The following DTX1 variants were observed in gnomAD, a reference collection of about 807,000 sequenced individuals.
DTX1 encodes deltex E3 ubiquitin ligase 1.
A neutral mutation model predicts 57.8 loss-of-function variants in DTX1; 26 were observed. The ratio of observed to expected loss-of-function variants is 0.45; its 90% CI spans 0.33 to 0.62. The LOEUF (loss-of-function observed/expected upper bound fraction) is 0.62. DTX1 is among the 20% of genes least tolerant of loss of function. DTX1 has a pLI of 0.02. For missense variants in DTX1, 704 were observed against 895.3 expected, an observed-to-expected ratio of 0.79 and a Z score of 2.73; for synonymous variants, 398 against 394.1, an observed-to-expected ratio of 1.01 and a Z score of -0.12.
intron 3 of DTX1, among the ~76,000 whole-genome samples, chr12:113,092,404 C>T (rs913032371): frequency 2.3e-4 from 35 of 151,702 alleles, no homozygotes; most frequent in African/African-American, 7.8e-4. Context: ...TGCTGTGTGT[C>T]GCCCAGCTCA....
rs979063266 is a variant in DTX1, at chr12:113,058,314, C to T, written c.122C>T (p.Thr41Met). The change falls in exon 2 of 10, where the codon ACG becomes ATG. Residue 41 changes from threonine to methionine, a missense_variant. Thr to Met is a moderately conservative substitution (Grantham distance 81, BLOSUM62 -1). Transcript: ENST00000548759. The stretch of plus-strand genomic sequence containing the variant: ...GAGCACAGCCGCTGGCGGCCCTACA[C>T]GGCCACCGTGTGCCACCACATTGAG... ...LNEHSRWRPYTATVCHHIENV... is the reference protein window; with the variant it reads ...LNEHSRWRPYMATVCHHIENV... 2 of 1,613,516 alleles carry T rather than the reference C, an allele frequency of 1.2e-6. No individual in the cohort carries two copies. The highest frequency in any genetic ancestry group is 1.7e-6 in the Non-Finnish European group (2 of 1,180,036).
intron 3 of DTX1, among the ~76,000 whole-genome samples, chr12:113,084,135 T>G (rs1592851234): frequency 6.6e-6 from 1 of 151,924 alleles, no homozygotes; most frequent in East Asian, 1.9e-4. Context: ...CTGGCCAGGG[T>G]TTTTTCCACT....
intron 2 of DTX1, among the ~76,000 whole-genome samples, chr12:113,066,353 A>AC (rs1483120065): frequency 2.0e-5 from 3 of 151,394 alleles, no homozygotes; most frequent in African/African-American, 7.3e-5. Flanking sequence ...ACATGGTAAA[A>AC]CCCCCTCTCT....
intron 1 of DTX1, among the ~76,000 whole-genome samples, 158 bp from the exon 2 acceptor site, chr12:113,057,291 C>G (rs1481753717): frequency 6.6e-6 from 1 of 152,280 alleles, no homozygotes; most frequent in South Asian, 2.1e-4. Context: ...TCCCTCCAGG[C>G]CTGCCCCAAG....
intron 3 of DTX1, among the ~76,000 whole-genome samples, chr12:113,087,001 C>G (rs1005228478): frequency 6.6e-6 from 1 of 151,722 alleles, no homozygotes; most frequent in Non-Finnish European, 1.5e-5. Context: ...GTGGCTGCCC[C>G]GGGCCGTGGG....
intron 3 of DTX1, among the ~76,000 whole-genome samples, chr12:113,087,144 C>CT (rs201023177): frequency 0.061 from 9,294 of 151,678 alleles, 930 homozygotes; most frequent in African/African-American, 0.21. Context: ...ACCCCCGCAG[C>CT]CCCCATACCT....
chr12:113,095,613 G>C (rs985766326), intron 9 of DTX1, 199 bp downstream of exon 9: 1 of 648,142 alleles, frequency 1.5e-6, no homozygotes, highest in Non-Finnish European at 2.6e-6. Flanking sequence ...TCAAGATCCT[G>C]ACCCCATTTT....
intron 3 of DTX1, among the ~76,000 whole-genome samples, chr12:113,088,595 A>C (rs1469590487): frequency 6.6e-6 from 1 of 152,262 alleles, no homozygotes; most frequent in Non-Finnish European, 1.5e-5. Flanking sequence ...GTACCCTAGA[A>C]CTTAAAGTAT....
chr12:113,085,376 C>T (rs2044849648), intron 3 of DTX1, among the ~76,000 whole-genome samples: 1 of 152,202 alleles, frequency 6.6e-6, no homozygotes, highest in South Asian at 2.1e-4. Flanking sequence ...TAAATCCACC[C>T]TTGTCCCTCC....
At chr12:113,082,065 T>C (rs945298896) in intron 3 of DTX1, among the ~76,000 whole-genome samples, 1 of 152,008 alleles carries the variant, frequency 6.6e-6, no homozygotes, top group Non-Finnish European at 1.5e-5. Flanking sequence ...AGCTCTGTTG[T>C]CTCCAGCCAC....
chr12:113,095,583 C>T (rs190881947), intron 9 of DTX1, 169 bp downstream of exon 9: 39 of 818,234 alleles, frequency 4.8e-5, no homozygotes, highest in Middle Eastern at 3.3e-4. Context: ...CATCTTATCT[C>T]GTTTCCTGAG....
chr12:113,080,608 TGGAATGGAAC>T (rs1222236572), intron 3 of DTX1, among the ~76,000 whole-genome samples: 6 of 152,008 alleles, frequency 3.9e-5, no homozygotes, highest in South Asian at 2.1e-4. Context: ...TGGAATGGAA[TGGAATGGAAC>T]GGAATGGAAA....
intron 3 of DTX1, among the ~76,000 whole-genome samples, chr12:113,084,975 A>T (rs1418275079): frequency 8.2e-6 from 1 of 121,662 alleles, no homozygotes; most frequent in Non-Finnish European, 1.7e-5. Context: ...CATCTGTGAA[A>T]TGGGACTGGC....
At chr12:113,058,661 A>G (rs999871694) in intron 2 of DTX1, among the ~76,000 whole-genome samples, 2 of 152,208 alleles carry the variant, frequency 1.3e-5, no homozygotes, top group African/African-American at 4.8e-5. Context: ...GCCTTGAGCA[A>G]GTTGCATCAT....
At position 113,094,046 on chromosome 12, in the gene DTX1, C is replaced by A. The variant is rs868739127; in HGVS notation, c.1174C>A (p.Pro392Thr). ...CCGCTGTGTCCCTGCAGGTAAGAATCCCGAGGATGTGGTTCGAAGATACAT... is the reference window on the plus strand; with the variant it reads ...CCGCTGTGTCCCTGCAGGTAAGAATACCGAGGATGTGGTTCGAAGATACAT... ...KKKHLKKSKN[P>T]EDVVRRYMQK... The change falls in exon 6 of 10, where the codon CCC (proline) becomes ACC (threonine). Residue 392 changes from proline (P) to threonine (T), a missense_variant. Transcript: ENST00000548759. The A allele has an allele frequency of 3.2e-6, 5 of 1,574,996 alleles. No individual in the cohort carries two copies. In the East Asian group the frequency reaches 1.1e-4, roughly 36 times the overall value.
chr12:113,086,182 C>T (rs1317447579), intron 3 of DTX1, among the ~76,000 whole-genome samples: 1 of 151,774 alleles, frequency 6.6e-6, no homozygotes, highest in East Asian at 1.9e-4. Flanking sequence ...GTGGGAGGAT[C>T]CCTTGAGCCC....
At chr12:113,057,141 C>T (rs1001579707) in intron 1 of DTX1, among the ~76,000 whole-genome samples, 197 bp downstream of exon 1, 4 of 152,074 alleles carry the variant, frequency 2.6e-5, no homozygotes, top group Admixed American at 6.5e-5. Flanking sequence ...CCGCGCATCC[C>T]CGTGCTTCCC....
Position 113,097,838 on chromosome 12 carries a change from T to C in DTX1, c.*899T>C, listed in dbSNP as rs1950330445. On this transcript the variant is annotated 3_prime_UTR_variant, in exon 10 of 10. Transcript: ENST00000548759. ...GAGTCAATTTCCCTTTCGTTGGGAG[T>C]GGGCAGTGGGGTGGCTAATTGTCTT... The C allele has an allele frequency of 6.6e-6, 1 of 152,576 alleles. No individual in the cohort carries two copies. The highest frequency in any genetic ancestry group is 6.5e-5 in the Admixed American group (1 of 15,274). The allele number at this position is 152,576 out of a possible 1,614,324, so 9.5% of individuals were successfully genotyped here. A position where few individuals can be genotyped will look rare whatever the true frequency, so the allele number is the denominator to read the frequency against.
At position 113,061,471 on chromosome 12, in the gene DTX1, C is replaced by T. The variant is rs374679797; in HGVS notation, c.259+3020C>T. ...TAACGCACTGGAAAAGAGCCTCAAC[C>T]GGCAGGGAGCAGACCTGAGTGCCAA... On this transcript the variant is annotated intron_variant, in intron 2 of 9. Coordinates refer to ENST00000548759, the MANE Select transcript of DTX1 (RefSeq NM_004416.3). Among the ~76,000 whole-genome samples the T allele has an allele frequency of 1.1e-4, 16 of 152,310 alleles. No individual in the cohort carries two copies. In the South Asian group the frequency reaches 1.5e-3, roughly 14 times the overall value.
Sources: gnomAD v4.1 joint callset for allele counts (sites outside exome capture counted in the v4.1 genomes callset) on GRCh38, gnomAD v4.1.1 for gene constraint, MANE v1.5 for transcripts, NCBI Gene and HGNC (gene_info 2026-07-23, HGNC 2026-07-21) for gene names.